The following PLA2G4A variants were observed in gnomAD, a reference collection of about 807,000 sequenced individuals.
The protein encoded by PLA2G4A is phospholipase A2 group IVA.
A neutral mutation model predicts 81.9 loss-of-function variants in PLA2G4A; 40 were observed. The ratio of observed to expected loss-of-function variants is 0.49; its 90% CI spans 0.38 to 0.64. The LOEUF (loss-of-function observed/expected upper bound fraction) is 0.64, where lower values mean the gene tolerates loss of function less well. PLA2G4A is among the 30% of genes least tolerant of loss of function. The probability of loss-of-function intolerance (pLI) is 0.00; values close to 1 mark genes in which losing one functional copy is unlikely to be tolerated. For missense variants in PLA2G4A, 715 were observed against 905.1 expected (o/e 0.79, Z 2.69); for synonymous variants, 302 against 296.9 (o/e 1.02, Z -0.18).
intron 16 of PLA2G4A, among the ~76,000 whole-genome samples, chr1:186,978,937 A>C (rs1657625703): frequency 6.6e-6 from 1 of 152,226 alleles, no homozygotes; most frequent in Admixed American, 6.5e-5. Flanking sequence ...GTGTCCCACA[A>C]TCATGCTTCC....
At chr1:186,945,761 C>G (rs1019790194) in intron 10 of PLA2G4A, among the ~76,000 whole-genome samples, 4 of 152,078 alleles carry the variant, frequency 2.6e-5, no homozygotes, top group African/African-American at 9.7e-5. Context: ...GAATCAGAAA[C>G]CAGGAGTTCT....
intron 7 of PLA2G4A, among the ~76,000 whole-genome samples, chr1:186,917,986 G>GT (rs1413707621): frequency 6.6e-6 from 1 of 152,212 alleles, no homozygotes; most frequent in Non-Finnish European, 1.5e-5. Flanking sequence ...TAGGTGAGTG[G>GT]TTTCGTGCAT....
intron 3 of PLA2G4A, among the ~76,000 whole-genome samples, chr1:186,876,823 A>G (rs1216647029): frequency 6.6e-6 from 1 of 152,092 alleles, no homozygotes; most frequent in Non-Finnish European, 1.5e-5. Flanking sequence ...AACTAAAGAA[A>G]ACCCAAATGC....
intron 2 of PLA2G4A, among the ~76,000 whole-genome samples, chr1:186,864,510 A>G (rs1387448967): frequency 6.6e-6 from 1 of 151,964 alleles, no homozygotes; most frequent in East Asian, 1.9e-4. Flanking sequence ...GGATGAGGTA[A>G]TATCTCATCG....
intron 2 of PLA2G4A, among the ~76,000 whole-genome samples, chr1:186,854,684 A>G (rs951234288): frequency 1.3e-5 from 2 of 151,986 alleles, no homozygotes; most frequent in African/African-American, 4.8e-5. Context: ...ATCAGCCTGC[A>G]TAGTTTACAC....
At chr1:186,983,457 T>C (rs1182951056) in intron 17 of PLA2G4A, among the ~76,000 whole-genome samples, 1 of 152,224 alleles carries the variant, frequency 6.6e-6, no homozygotes, top group Non-Finnish European at 1.5e-5. Flanking sequence ...GAAGAGGCCA[T>C]GCTGTGTCAG....
At chr1:186,939,623 G>A (rs1465976403) in intron 9 of PLA2G4A, among the ~76,000 whole-genome samples, 1 of 152,086 alleles carries the variant, frequency 6.6e-6, no homozygotes, top group African/African-American at 2.4e-5. Context: ...GGATCGCATA[G>A]AACAGACTCG....
chr1:186,921,665 G>T (rs1249675878), intron 7 of PLA2G4A, among the ~76,000 whole-genome samples: 1 of 152,098 alleles, frequency 6.6e-6, no homozygotes, highest in African/African-American at 2.4e-5. Context: ...GTGGCCTCAG[G>T]AGTGGGGAGC....
At chr1:186,947,318 A>G (rs1355281300) in intron 12 of PLA2G4A, among the ~76,000 whole-genome samples, 1 of 152,124 alleles carries the variant, frequency 6.6e-6, no homozygotes, top group Non-Finnish European at 1.5e-5. Flanking sequence ...ACAGCTAAAT[A>G]CAATGTAACA....
At chr1:186,974,393 G>A (rs1240117259) in intron 15 of PLA2G4A, among the ~76,000 whole-genome samples, 2 of 152,138 alleles carry the variant, frequency 1.3e-5, no homozygotes, top group African/African-American at 2.4e-5. Flanking sequence ...TACTCAGGAG[G>A]CTGAGGCAGG....
chr1:186,885,686 A>G (rs1653911767), intron 3 of PLA2G4A, among the ~76,000 whole-genome samples: 1 of 152,166 alleles, frequency 6.6e-6, no homozygotes, highest in East Asian at 1.9e-4. Flanking sequence ...AGATGCTAAG[A>G]TGGAGGATTT....
At chr1:186,953,797 G>C (rs1012272863) in intron 13 of PLA2G4A, among the ~76,000 whole-genome samples, 1 of 152,156 alleles carries the variant, frequency 6.6e-6, no homozygotes, top group African/African-American at 2.4e-5. Flanking sequence ...ATTATCAAAG[G>C]TATCCTGGTA....
At chr1:186,900,694 A>G (rs1654505165) in intron 5 of PLA2G4A, among the ~76,000 whole-genome samples, 2 of 152,182 alleles carry the variant, frequency 1.3e-5, no homozygotes, top group Non-Finnish European at 2.9e-5. Flanking sequence ...AGCCCGCTTC[A>G]AAAGAATCAT....
chr1:186,874,159 T>A (rs1222224515), intron 3 of PLA2G4A, among the ~76,000 whole-genome samples: 2 of 152,122 alleles, frequency 1.3e-5, no homozygotes, highest in African/African-American at 4.8e-5. Flanking sequence ...TGGGTTAATG[T>A]GTGTTAAACT....
At chr1:186,978,449 G>A (rs758884145) in intron 16 of PLA2G4A, among the ~76,000 whole-genome samples, 44 of 152,274 alleles carry the variant, frequency 2.9e-4, no homozygotes, top group Admixed American at 4.6e-4. Flanking sequence ...AAAAAATAGG[G>A]AGGATGAGTA....
chr1:186,829,778 A>G (rs1168052957), intron 1 of PLA2G4A, among the ~76,000 whole-genome samples: 1 of 152,258 alleles, frequency 6.6e-6, no homozygotes, highest in African/African-American at 2.4e-5. Flanking sequence ...GGATGAATGT[A>G]TCTGTCTCCT....
chr1:186,837,178 G>C (rs1215933569), intron 1 of PLA2G4A, among the ~76,000 whole-genome samples: 1 of 152,178 alleles, frequency 6.6e-6, no homozygotes, highest in African/African-American at 2.4e-5. Context: ...TTGGAAATTT[G>C]GAGATCATGA....
intron 7 of PLA2G4A, among the ~76,000 whole-genome samples, chr1:186,917,684 C>A (rs1198501152): frequency 6.6e-6 from 1 of 152,154 alleles, no homozygotes; most frequent in South Asian, 2.1e-4. Flanking sequence ...ACATGGGTTA[C>A]CTTGTAGGGC....
At chr1:186,937,155 G>A (rs1420033104) in intron 8 of PLA2G4A, among the ~76,000 whole-genome samples, 1 of 151,668 alleles carries the variant, frequency 6.6e-6, no homozygotes, top group African/African-American at 2.4e-5. Context: ...TGAACAAGCA[G>A]AGACCATTAA....
Sources: allele counts gnomAD v4.1 joint callset (sites outside exome capture counted in the v4.1 genomes callset), GRCh38; gene constraint gnomAD v4.1.1; transcripts MANE v1.5; gene names NCBI Gene and HGNC (gene_info 2026-07-23, HGNC 2026-07-21).